Variants in ACSS1 observed in about 807,000 individuals in gnomAD.
The protein encoded by ACSS1 is acetyl-coenzyme A synthetase 2-like, mitochondrial.
A neutral mutation model predicts 75.3 loss-of-function variants in ACSS1; 42 were observed. That is an observed-to-expected ratio of 0.56 (90% confidence interval 0.44 to 0.72). The LOEUF (loss-of-function observed/expected upper bound fraction) is 0.72. Among genes scored for constraint, ACSS1 ranks in the 30% least tolerant of loss-of-function variants. The pLI is 0.00. For synonymous variants in ACSS1, 380 were observed against 376.8 expected (o/e 1.01, Z -0.10); for missense variants, 782 against 935.7 (o/e 0.84, Z 2.14).
At chr20:25,042,072 T>A (rs868314465) in intron 2 of ACSS1, among the ~76,000 whole-genome samples, 2 of 151,762 alleles carry the variant, frequency 1.3e-5, no homozygotes, top group Admixed American at 1.3e-4. Context: ...CCCAGAGAAT[T>A]CTCAGAAAGG....
intron 1 of ACSS1, among the ~76,000 whole-genome samples, chr20:25,056,960 T>A (rs1343847826): frequency 1.3e-5 from 2 of 152,034 alleles, no homozygotes; most frequent in Non-Finnish European, 2.9e-5. Context: ...GTCAGCGCCT[T>A]AGGTGGGGGC....
chr20:25,040,657 G>C (rs994906522), intron 2 of ACSS1, among the ~76,000 whole-genome samples: 1 of 152,124 alleles, frequency 6.6e-6, no homozygotes, highest in African/African-American at 2.4e-5. Context: ...GCTGATTCTC[G>C]GCTCCTGATA....
At chr20:25,032,621 A>G (rs2088846129) in intron 2 of ACSS1, 2 of 1,231,448 alleles carry the variant, frequency 1.6e-6, no homozygotes, top group Non-Finnish European at 2.0e-6. Context: ...GGGGCCCAGA[A>G]AGCAGACCCT....
At chr20:25,012,688 G>A in intron 11 of ACSS1, 24 bp from the exon 12 acceptor site, 2 of 1,614,126 alleles carry the variant, frequency 1.2e-6, no homozygotes, top group Non-Finnish European at 8.5e-7. Flanking sequence ...AGAACAAAAG[G>A]GCAAAATGTG....
intron 1 of ACSS1, among the ~76,000 whole-genome samples, chr20:25,050,896 C>T (rs7265967): frequency 0.033 from 4,983 of 152,186 alleles, 265 homozygotes; most frequent in African/African-American, 0.11. Flanking sequence ...CTGGGTGGCC[C>T]GTGAGATAAG....
At chr20:25,044,999 G>A (rs1182796731) in intron 2 of ACSS1, among the ~76,000 whole-genome samples, 1 of 152,252 alleles carries the variant, frequency 6.6e-6, no homozygotes, top group East Asian at 1.9e-4. Flanking sequence ...TCCTCTCCAA[G>A]CCCTGCAGCC....
At position 25,021,393 on chromosome 20, in the gene ACSS1, A is replaced by G. The variant is rs748179906; in HGVS notation, c.1104T>C (p.Asn368=). 1 of 1,614,056 alleles carries G rather than the reference A, an allele frequency of 6.2e-7. No homozygotes were observed. The highest frequency in any genetic ancestry group is 1.3e-5 in the African/African-American group (1 of 75,058). Residue 368 remains asparagine, a synonymous_variant, in exon 6 of 14, where the codon AAT becomes AAC. Transcript: ENST00000323482. ...VLFESTPVYP[N]AGRYWETVER... ...AACAGGGTTCACCATCCTTACCAGC[A>G]TTGGGATAAACTGGGGTGCTCTCAA...
chr20:25,013,743 A>C, intron 9 of ACSS1, 81 bp from the exon 10 acceptor site: 6 of 1,523,150 alleles, frequency 3.9e-6, no homozygotes, highest in Non-Finnish European at 5.3e-6. Flanking sequence ...CCTGCCCTCA[A>C]GGGAGCTGTC....
At chr20:25,035,598 T>A (rs1395170676) in intron 2 of ACSS1, among the ~76,000 whole-genome samples, 2 of 152,022 alleles carry the variant, frequency 1.3e-5, no homozygotes, top group Non-Finnish European at 2.9e-5. Context: ...AGAGACAGGT[T>A]TCACCATGTT....
intron 13 of ACSS1, 109 bp downstream of exon 13, chr20:25,009,161 G>A (rs57913893): frequency 0.096 from 97,828 of 1,017,662 alleles, 5,316 homozygotes; most frequent in African/African-American, 0.11. Context: ...GCTAGTGTCC[G>A]TTTTGATGCT....
chr20:25,052,988 C>T (rs1259126755), intron 1 of ACSS1, among the ~76,000 whole-genome samples: 2 of 152,002 alleles, frequency 1.3e-5, no homozygotes, highest in Non-Finnish European at 2.9e-5. Flanking sequence ...CTCACACTCA[C>T]ACACCCTAAC....
At position 25,031,125 on chromosome 20, in the gene ACSS1, G is replaced by C. The variant is rs1460354607; in HGVS notation, c.432-167C>G. 4.0e-6 allele frequency: 3 copies of C among 756,798 alleles called. No individual in the cohort carries two copies. The African/African-American group carries it at 5.2e-5, about 13-fold the overall frequency. 46.9% of individuals were successfully genotyped at this position (756,798 alleles called of 1,614,324 possible). A position where few individuals can be genotyped will look rare whatever the true frequency, so the allele number is the denominator to read the frequency against. Reference sequence around the variant, plus strand: ...CATGGAAAGTACTTTTCCAGAAAAAGAAAAGTTTTTAACATTTGTAGATTG... The same window carrying C: ...CATGGAAAGTACTTTTCCAGAAAAACAAAAGTTTTTAACATTTGTAGATTG... On this transcript the variant is annotated intron_variant, in intron 2 of 13. Coordinates refer to ENST00000323482, the MANE Select transcript of ACSS1 (RefSeq NM_032501.4).
At chr20:25,032,612 G>T in intron 2 of ACSS1, 1 of 1,232,450 alleles carries the variant, frequency 8.1e-7, no homozygotes, top group Non-Finnish European at 1.0e-6. Flanking sequence ...CCCTCTGCAG[G>T]GGCCCAGAAA....
intron 2 of ACSS1, chr20:25,046,993 C>T (rs984934784): frequency 1.0e-5 from 8 of 766,626 alleles, no homozygotes; most frequent in Admixed American, 1.7e-5. Context: ...TCCTGGGGGC[C>T]GAGGGGAGGA....
At chr20:25,008,765 G>C (rs746051156) in intron 13 of ACSS1, among the ~76,000 whole-genome samples, 6 of 152,186 alleles carry the variant, frequency 3.9e-5, no homozygotes, top group Non-Finnish European at 8.8e-5. Context: ...CCCTGGTACT[G>C]TCCCCATGTC....
At chr20:25,039,081 A>G (rs561370750) in intron 2 of ACSS1, among the ~76,000 whole-genome samples, 2 of 152,296 alleles carry the variant, frequency 1.3e-5, no homozygotes, top group East Asian at 3.9e-4. Flanking sequence ...TCAAGCAAGT[A>G]TCCTGTACCC....
At chr20:25,020,207 A>G in intron 6 of ACSS1, 60 bp from the exon 7 acceptor site, 1 of 1,607,434 alleles carries the variant, frequency 6.2e-7, no homozygotes, top group South Asian at 1.1e-5. Context: ...CTTTAAACTC[A>G]GAGATCAGCC....
At chr20:25,031,542 A>G (rs62217177) in intron 2 of ACSS1, among the ~76,000 whole-genome samples, 22,037 of 152,282 alleles carry the variant, frequency 0.14, 1,914 homozygotes, top group African/African-American at 0.23. Context: ...GCAGGGAGAC[A>G]TAGCTTAGCT....
At chr20:25,057,675 C>T in intron 1 of ACSS1, 94 bp downstream of exon 1, 3 of 1,318,638 alleles carry the variant, frequency 2.3e-6, no homozygotes, top group African/African-American at 1.5e-5. Context: ...CTGCGATCCG[C>T]GCTGCCCGGG....
Sources: gnomAD v4.1 joint callset for allele counts (sites outside exome capture counted in the v4.1 genomes callset) on GRCh38, gnomAD v4.1.1 for gene constraint, MANE v1.5 for transcripts, NCBI Gene and HGNC (gene_info 2026-07-23, HGNC 2026-07-21) for gene names.